Variants in ANAPC10 observed in about 807,000 individuals in gnomAD.
ANAPC10 encodes the protein anaphase promoting complex subunit 10, also known as anaphase-promoting complex subunit 10.
A neutral mutation model predicts 22.0 loss-of-function variants in ANAPC10; 12 were observed. The observed-to-expected ratio is 0.55, with a 90% CI of 0.35 to 0.88. The LOEUF is 0.88. ANAPC10 is among the 40% of genes least tolerant of loss of function. ANAPC10 has a pLI of 0.01. For missense variants in ANAPC10, 188 were observed against 220.9 expected (o/e 0.85, Z 0.94); for synonymous variants, 65 against 69.5 (o/e 0.94, Z 0.32).
intron 4 of ANAPC10, among the ~76,000 whole-genome samples, chr4:145,032,806 T>C (rs1737825934): frequency 6.6e-6 from 1 of 152,202 alleles, no homozygotes. Context: ...GGTGGCAGGT[T>C]GATTATATTG....
chr4:145,053,718 C>G, intron 4 of ANAPC10: 1 of 618,562 alleles, frequency 1.6e-6, no homozygotes, highest in Non-Finnish European at 2.9e-6. Flanking sequence ...CTTCAATATT[C>G]TCATTCCTTT....
chr4:145,052,159 G>C (rs147700476), intron 4 of ANAPC10, among the ~76,000 whole-genome samples: 177 of 152,172 alleles, frequency 1.2e-3, no homozygotes, highest in African/African-American at 3.9e-3. Context: ...ATTTCGGTGA[G>C]GCATAAGAAA....
At chr4:145,054,556 C>CAAA (rs1283371321) in intron 4 of ANAPC10, among the ~76,000 whole-genome samples, 1 of 68,322 alleles carries the variant, frequency 1.5e-5, no homozygotes, top group Non-Finnish European at 3.0e-5. Context: ...GACTCTATCT[C>CAAA]AAAAAAAAAA....
chr4:145,087,447 C>T (rs1397342548), intron 2 of ANAPC10, among the ~76,000 whole-genome samples: 2 of 152,004 alleles, frequency 1.3e-5, no homozygotes, highest in Non-Finnish European at 2.9e-5. Flanking sequence ...GCCTCAACCT[C>T]CTTAGGCTCT....
chr4:145,013,593 T>C (rs1336951022), intron 4 of ANAPC10, among the ~76,000 whole-genome samples: 2 of 152,142 alleles, frequency 1.3e-5, no homozygotes, highest in African/African-American at 2.4e-5. Flanking sequence ...AGGCAGTAGA[T>C]TGCAGCTCTG....
chr4:145,084,653 T>C (rs1314656455), intron 2 of ANAPC10, among the ~76,000 whole-genome samples: 3 of 152,136 alleles, frequency 2.0e-5, no homozygotes, highest in East Asian at 3.9e-4. Context: ...TCCTGGGCCA[T>C]ATATGTCGAT....
intron 4 of ANAPC10, among the ~76,000 whole-genome samples, chr4:145,040,559 G>A (rs1183604491): frequency 6.6e-6 from 1 of 152,142 alleles, no homozygotes; most frequent in Non-Finnish European, 1.5e-5. Context: ...AACATTTGTT[G>A]CAATCATCCC....
At chr4:145,019,756 T>G (rs1735712029) in intron 4 of ANAPC10, among the ~76,000 whole-genome samples, 1 of 152,030 alleles carries the variant, frequency 6.6e-6, no homozygotes, top group South Asian at 2.1e-4. Context: ...CAGGAGACAT[T>G]ACAACTCACA....
At chr4:145,026,370 C>T (rs1013465173) in intron 4 of ANAPC10, among the ~76,000 whole-genome samples, 4 of 151,876 alleles carry the variant, frequency 2.6e-5, no homozygotes, top group East Asian at 3.9e-4. Flanking sequence ...TAGTAATAAA[C>T]GTAATCGATA....
intron 4 of ANAPC10, among the ~76,000 whole-genome samples, chr4:145,018,921 A>G (rs906189671): frequency 6.6e-6 from 1 of 152,194 alleles, no homozygotes; most frequent in Non-Finnish European, 1.5e-5. Context: ...ATATATGCAC[A>G]TAACACTGGA....
intron 4 of ANAPC10, among the ~76,000 whole-genome samples, chr4:145,044,879 T>C (rs1287087787): frequency 6.6e-6 from 1 of 152,052 alleles, no homozygotes; most frequent in Non-Finnish European, 1.5e-5. Context: ...TGATATAAAT[T>C]ATATTTTCCC....
intron 4 of ANAPC10, among the ~76,000 whole-genome samples, chr4:145,008,026 TAC>T (rs1327126087): frequency 6.6e-6 from 1 of 152,084 alleles, no homozygotes; most frequent in Non-Finnish European, 1.5e-5. Context: ...CCCACAGAAG[TAC>T]AAACTACCAT....
intron 4 of ANAPC10, among the ~76,000 whole-genome samples, chr4:145,002,835 T>C (rs1732773252): frequency 6.6e-6 from 1 of 152,266 alleles, no homozygotes; most frequent in East Asian, 1.9e-4. Flanking sequence ...ATACATAATA[T>C]TATTTTTGTT....
At chr4:145,026,945 A>ATATATATATATATATATGTG (rs1287102797) in intron 4 of ANAPC10, among the ~76,000 whole-genome samples, 20 of 17,142 alleles carry the variant, frequency 1.2e-3, no homozygotes, top group Non-Finnish European at 2.1e-3. Context: ...ATATATATAT[A>ATATATATATATATATATGTG]TGTGTGTGTG....
At chr4:145,064,484 A>T in intron 4 of ANAPC10, 88 bp downstream of exon 4, 1 of 1,028,602 alleles carries the variant, frequency 9.7e-7, no homozygotes, top group Admixed American at 2.8e-5. Flanking sequence ...TTAACATTTT[A>T]ACCTGTCTAA....
chr4:145,024,419 A>G (rs566496229), intron 4 of ANAPC10, among the ~76,000 whole-genome samples: 1 of 152,234 alleles, frequency 6.6e-6, no homozygotes, highest in Non-Finnish European at 1.5e-5. Context: ...GCCTTATGAA[A>G]TGTATATCTT....
intron 3 of ANAPC10, among the ~76,000 whole-genome samples, chr4:145,067,986 G>A (rs1579094271): frequency 6.6e-6 from 1 of 152,116 alleles, no homozygotes; most frequent in African/African-American, 2.4e-5. Context: ...CTGGGATATG[G>A]ACATGATAGG....
intron 3 of ANAPC10, among the ~76,000 whole-genome samples, chr4:145,071,483 CTGTT>C (rs1157522359): frequency 3.3e-5 from 5 of 152,244 alleles, no homozygotes; most frequent in African/African-American, 9.6e-5. Context: ...AAAATCTTTA[CTGTT>C]TATTACTCAC....
At chr4:145,032,030 C>A (rs972804789) in intron 4 of ANAPC10, among the ~76,000 whole-genome samples, 1 of 152,224 alleles carries the variant, frequency 6.6e-6, no homozygotes, top group African/African-American at 2.4e-5. Context: ...GAGGAAGTGG[C>A]TCGAATGCCC....
Sources: allele counts gnomAD v4.1 joint callset (sites outside exome capture counted in the v4.1 genomes callset), GRCh38; gene constraint gnomAD v4.1.1; transcripts MANE v1.5; gene names NCBI Gene and HGNC (gene_info 2026-07-23, HGNC 2026-07-21).